Variants in PSTPIP1 observed in about 807,000 individuals in gnomAD.
The protein encoded by PSTPIP1 is proline-serine-threonine phosphatase-interacting protein 1.
PSTPIP1 carries 66 observed loss-of-function variants against 69.6 expected under a neutral mutation model. The observed-to-expected ratio is 0.95, with a 90% CI of 0.78 to 1.16. The LOEUF is 1.16. Ranked by LOEUF, PSTPIP1 falls within the 50% of genes most tolerant of loss-of-function variation. The pLI, the probability that PSTPIP1 is intolerant of heterozygous loss-of-function variation, is 0.00. For missense variants in PSTPIP1, 603 were observed against 557.4 expected, an observed-to-expected ratio of 1.08 and a Z score of -0.82; for synonymous variants, 266 against 222.7, an observed-to-expected ratio of 1.19 and a Z score of -1.73.
chr15:77,027,998 C>A lies in PSTPIP1; in HGVS notation c.417+84C>A, dbSNP rs2076323533. The A allele has an allele frequency of 3.1e-6, 4 of 1,274,818 alleles. No individual in the cohort carries two copies. The highest frequency in any genetic ancestry group is 2.0e-5 in the Admixed American group (1 of 50,176). 79.0% of individuals were successfully genotyped at this position (1,274,818 alleles called of 1,614,324 possible). ...TGCGATCCTGGGCTGTGGCCCCGGG[C>A]AGGGCATTTGGAACAGGCTGACCTC... On this transcript the variant is annotated intron_variant, in intron 6 of 14. Transcript: ENST00000558012. The surrounding 1 kb of genome is among the most constrained non-coding windows in gnomAD (Gnocchi z 4.3).
chr15:76,994,717 G>A (rs917840521), upstream of PSTPIP1: 2 of 1,277,390 alleles, frequency 1.6e-6, no homozygotes, highest in Non-Finnish European at 1.0e-6. Context: ...CCAGAGCACA[G>A]CTGTGTCTGC....
chr15:77,021,964 G>C (rs1415771420), intron 3 of PSTPIP1, among the ~76,000 whole-genome samples: 2 of 152,256 alleles, frequency 1.3e-5, no homozygotes, highest in East Asian at 3.8e-4. Context: ...GCAGGGGTTT[G>C]GGAAACAAAG....
At chr15:77,026,781 C>T (rs2076289666) in intron 5 of PSTPIP1, among the ~76,000 whole-genome samples, 1 of 152,252 alleles carries the variant, frequency 6.6e-6, no homozygotes, top group South Asian at 2.1e-4. Context: ...GAGCAGGCAC[C>T]CTCTCTGAGC....
In PSTPIP1 at chr15:77,030,451, G is replaced by A; in HGVS notation, c.563-51G>A. On this transcript the variant is annotated intron_variant, in intron 8 of 14. Transcript: ENST00000558012. ...CAGGATGGGACCTGCTGGAGTACAG[G>A]GGTGGAGGAGCTCGTGTCAGGGCCC... The A allele has an allele frequency of 1.9e-6, 3 of 1,572,682 alleles. 1 individual carries two copies. The highest frequency in any genetic ancestry group is 3.4e-4 in the Middle Eastern group (2 of 5,910).
At position 76,995,319 on chromosome 15, in the gene PSTPIP1, C is replaced by T. The variant is rs1009900414; in HGVS notation, c.-255C>T. On this transcript the variant is annotated 5_prime_UTR_variant, in exon 1 of 15. Coordinates refer to ENST00000558012, the MANE Select transcript of PSTPIP1 (RefSeq NM_003978.5). ...GCTGGGCTGGACACCAGGGCCCGCC[C>T]TCCCATCACTGAGCTCCACTCCTTC... 8.6e-6 allele frequency: 12 copies of T among 1,395,658 alleles called. No individual in the cohort carries two copies. Among genetic ancestry groups the T allele is most frequent in the African/African-American group, 7.3e-5 (5 of 68,704 alleles). The allele number at this position is 1,395,658 out of a possible 1,614,324, so 86.5% of individuals were successfully genotyped here.
At chr15:77,025,030 G>T (rs960612978) in intron 3 of PSTPIP1, among the ~76,000 whole-genome samples, 1 of 152,114 alleles carries the variant, frequency 6.6e-6, no homozygotes, top group African/African-American at 2.4e-5. Context: ...GGGGGCCTTC[G>T]GTACCTCCTC....
At position 77,032,372 on chromosome 15, in the gene PSTPIP1, G is replaced by C. The variant is rs867312193; in HGVS notation, c.816G>C (p.Lys272Asn). Residue 272 changes from lysine to asparagine, a missense_variant, in exon 11 of 15, where the codon AAG becomes AAC. By Grantham distance (94) the Lys-to-Asn change is moderately conservative. Coordinates refer to ENST00000558012, the MANE Select transcript of PSTPIP1 (RefSeq NM_003978.5). ...ACATCGACAGTTTCATCCAGGCCAA[G>C]AGCACGGGCACAGAGCCCCCCGGTG... ...DADIDSFIQA[K>N]STGTEPPAPV... 6.2e-7 allele frequency: 1 copy of C among 1,612,598 alleles called. No homozygotes were observed. Among genetic ancestry groups the C allele is most frequent in the African/African-American group, 1.3e-5 (1 of 74,948 alleles).
At position 77,025,562 on chromosome 15, in the gene PSTPIP1, T is replaced by G. The variant is rs1233732425; in HGVS notation, c.312T>G (p.Ser104Arg). The stretch of plus-strand genomic sequence containing the variant: ...TGACCCTGCGTGAGGAGCTGCGGAG[T>G]CTCGAGGAGTTTCGTGAGAGGCAGA... ...LALTLREELR[S>R]LEEFRERQKE... is the part of the protein sequence containing the mutation. The change falls in exon 5 of 15, where the codon AGT becomes AGG. Residue 104 changes from serine (S) to arginine (R), a missense_variant. By Grantham distance (110) the Ser-to-Arg change is moderately radical. Coordinates refer to ENST00000558012, the MANE Select transcript of PSTPIP1 (RefSeq NM_003978.5). 1 of 1,552,664 alleles carries G rather than the reference T, an allele frequency of 6.4e-7. No individual in the cohort carries two copies. The highest frequency in any genetic ancestry group is 8.7e-7 in the Non-Finnish European group (1 of 1,147,694).
At chr15:77,029,053 A>AC (rs1278862015) in intron 7 of PSTPIP1, among the ~76,000 whole-genome samples, 6 of 152,018 alleles carry the variant, frequency 3.9e-5, no homozygotes, top group Admixed American at 2.6e-4. Flanking sequence ...CAGAAAAGGG[A>AC]CCCCCAACTC....
chr15:76,995,429 C>A lies in PSTPIP1; in HGVS notation c.-145C>A. The A allele has an allele frequency of 1.3e-6, 2 of 1,512,012 alleles. No individual in the cohort carries two copies. The highest frequency in any genetic ancestry group is 2.3e-5 in the Admixed American group (1 of 44,360). The allele number at this position is 1,512,012 out of a possible 1,614,324, so 93.7% of individuals were successfully genotyped here. On this transcript the variant is annotated 5_prime_UTR_variant, in exon 1 of 15. Transcript: ENST00000558012. ...GAAGCTCCTCTCTGGCTCGTGGCTG[C>A]CTTCTGAGTGTTGCAGACGGCGCCG...
Position 77,035,853 on chromosome 15 carries a change from C to T in PSTPIP1, c.1037C>T (p.Thr346Ile). Residue 346 changes from threonine (T) to isoleucine (I), a missense_variant, in exon 14 of 15, where the codon ACA becomes ATA. Thr to Ile is a moderately conservative substitution (Grantham distance 89). Transcript: ENST00000558012. ...PTPERNEGVY[T>I]AIAVQEIQGN... ...CCCGAGCGGAATGAGGGTGTCTACA[C>T]AGCCATCGCAGTGCAGGAGATACAG... 2 of 1,610,758 alleles carry T rather than the reference C, an allele frequency of 1.2e-6. No homozygotes were observed. Among genetic ancestry groups the T allele is most frequent in the Non-Finnish European group, 8.5e-7 (1 of 1,179,668 alleles).
chr15:77,020,127 A>G (rs1426320652), intron 3 of PSTPIP1, among the ~76,000 whole-genome samples: 1 of 152,154 alleles, frequency 6.6e-6, no homozygotes, highest in African/African-American at 2.4e-5. Flanking sequence ...CTACCCACAG[A>G]AAATACAATG....
At chr15:77,012,691 T>A (rs999090369) in intron 1 of PSTPIP1, among the ~76,000 whole-genome samples, 3 of 152,226 alleles carry the variant, frequency 2.0e-5, no homozygotes, top group Non-Finnish European at 4.4e-5. Context: ...TCCCTGTGCC[T>A]CTGTTTCCGT....
Position 76,995,147 on chromosome 15 carries a change from G to A in PSTPIP1, c.-427G>A, listed in dbSNP as rs554509151. The A allele has an allele frequency of 2.8e-4, 293 of 1,031,314 alleles. 1 individual carries two copies. The highest frequency in any genetic ancestry group is 3.1e-4 in the Non-Finnish European group (255 of 820,498). 63.9% of individuals were successfully genotyped at this position (1,031,314 alleles called of 1,614,324 possible). A position where few individuals can be genotyped will look rare whatever the true frequency, so the allele number is the denominator to read the frequency against. On this transcript the variant is annotated 5_prime_UTR_variant, in exon 1 of 15. Coordinates refer to ENST00000558012, the MANE Select transcript of PSTPIP1 (RefSeq NM_003978.5). ...GCACAAACCTTCCTGCGCAGGCCTC[G>A]GGCTGCCTGCCTGCCTGCCTGCCTG...
chr15:77,025,689 GTAGAGCCAGT>G, intron 5 of PSTPIP1, 85 bp downstream of exon 5: 1 of 837,342 alleles, frequency 1.2e-6, no homozygotes, highest in Non-Finnish European at 1.8e-6. Context: ...GACCTTCCTG[GTAGAGCCAGT>G]GGAGGGCGGC....
intron 12 of PSTPIP1, among the ~76,000 whole-genome samples, chr15:77,033,715 TC>T (rs1336201259): frequency 1.3e-5 from 2 of 152,024 alleles, no homozygotes; most frequent in African/African-American, 2.4e-5. Context: ...CTGATGCAGT[TC>T]CCGGCCCTTC....
Position 77,008,081 on chromosome 15 carries a change from G to A in PSTPIP1, c.37-10067G>A, listed in dbSNP as rs1019759148. On this transcript the variant is annotated intron_variant, in intron 1 of 14. Transcript: ENST00000558012. ...GATGGTTCAGGCAAGCAGAGCTGGG[G>A]GTGGAGGGCGGGAGATCAGCACAGA... 1.5e-5 allele frequency: 7 copies of A among 456,064 alleles called. No homozygotes were observed. The highest frequency in any genetic ancestry group is 9.4e-5 in the Admixed American group (4 of 42,522). The allele number at this position is 456,064 out of a possible 1,614,324, so 28.3% of individuals were successfully genotyped here. A position where few individuals can be genotyped will look rare whatever the true frequency, so the allele number is the denominator to read the frequency against.
intron 1 of PSTPIP1, among the ~76,000 whole-genome samples, chr15:77,015,422 G>A (rs964429338): frequency 1.6e-4 from 24 of 152,124 alleles, no homozygotes; most frequent in African/African-American, 4.6e-4. Context: ...ATAACGCTAT[G>A]ATACCCTTGG....
At chr15:77,015,918 A>G in intron 1 of PSTPIP1, 1 of 455,944 alleles carries the variant, frequency 2.2e-6, no homozygotes, top group Non-Finnish European at 4.4e-6. Context: ...TGGAGCCTGC[A>G]GCCTCTGGGG....
Sources: allele counts gnomAD v4.1 joint callset (sites outside exome capture counted in the v4.1 genomes callset), GRCh38; gene constraint gnomAD v4.1.1; non-coding constraint Gnocchi (gnomAD v3.1); transcripts MANE v1.5; gene names NCBI Gene and HGNC (gene_info 2026-07-23, HGNC 2026-07-21).